HEXB: variants seen among roughly 807,000 people sequenced by gnomAD.
The protein encoded by HEXB is beta-hexosaminidase subunit beta.
Under a neutral mutation model 71.2 loss-of-function variants are expected in HEXB, and 51 were observed. That is an observed-to-expected ratio of 0.72 (90% CI 0.57 to 0.90). The LOEUF (loss-of-function observed/expected upper bound fraction) is 0.90. HEXB is among the 40% of genes least tolerant of loss of function. The pLI, the probability that HEXB is intolerant of heterozygous loss-of-function variation, is 0.00. For synonymous variants in HEXB, 266 were observed against 249.3 expected (o/e 1.07, Z -0.63); for missense variants, 617 against 677.0 (o/e 0.91, Z 0.98).
Position 74,720,454 on chromosome 5 carries a change from A to G in HEXB, c.1444A>G (p.Ile482Val), listed in dbSNP as rs1749801879. The change falls in exon 12 of 14, where the codon ATT becomes GTT. Residue 482 changes from isoleucine (I) to valine (V), a missense_variant. Ile to Val is a conservative substitution (Grantham distance 29, BLOSUM62 3). Coordinates refer to ENST00000261416, the MANE Select transcript of HEXB (RefSeq NM_000521.4). ...TACTCAGAAACAGAAACAACTTTTC[A>G]TTGGTGGAGAAGCTTGTCTATGGGG... ...GGTQKQKQLF[I>V]GGEACLWGEY... The G allele has an allele frequency of 1.9e-6, 3 of 1,613,380 alleles. No homozygotes were observed. The African/African-American group carries it at 4.0e-5, about 21-fold the overall frequency.
At chr5:74,691,286 C>T (rs1184093524) in intron 2 of HEXB, among the ~76,000 whole-genome samples, 2 of 152,166 alleles carry the variant, frequency 1.3e-5, no homozygotes, top group Non-Finnish European at 2.9e-5. Flanking sequence ...TAAAGCACCA[C>T]TATTTATTAA....
chr5:74,695,618 A>G (rs1396381965), intron 3 of HEXB, among the ~76,000 whole-genome samples: 1 of 151,224 alleles, frequency 6.6e-6, no homozygotes, highest in Non-Finnish European at 1.5e-5. Flanking sequence ...AGGTGGGTGG[A>G]TCACTTGAGG....
At chr5:74,687,699 G>A (rs1011645404) in intron 1 of HEXB, among the ~76,000 whole-genome samples, 4 of 151,796 alleles carry the variant, frequency 2.6e-5, no homozygotes, top group Non-Finnish European at 4.4e-5. Context: ...TTTAATTAAG[G>A]AAAAAATACA....
At chr5:74,685,985 G>GT (rs1748862597) in intron 1 of HEXB, among the ~76,000 whole-genome samples, 1 of 152,134 alleles carries the variant, frequency 6.6e-6, no homozygotes, top group Non-Finnish European at 1.5e-5. Flanking sequence ...TTATAGGCCA[G>GT]TTTCGCCCCC....
intron 1 of HEXB, among the ~76,000 whole-genome samples, chr5:74,664,683 A>G (rs988451971): frequency 6.6e-6 from 1 of 152,198 alleles, no homozygotes; most frequent in Non-Finnish European, 1.5e-5. Context: ...AGGGTTACAG[A>G]GAGAAGTTTA....
At chr5:74,705,189 TA>T in intron 5 of HEXB, 29 bp from the exon 6 acceptor site, 1 of 1,254,346 alleles carries the variant, frequency 8.0e-7, no homozygotes. Context: ...ATATCTGCAG[TA>T]AATAATTTTT....
intron 1 of HEXB, among the ~76,000 whole-genome samples, chr5:74,677,490 C>CTTTTTTTTTT (rs566302720): frequency 3.4e-4 from 26 of 77,244 alleles, no homozygotes; most frequent in Non-Finnish European, 5.0e-4. Context: ...TCTTCTTCTT[C>CTTTTTTTTTT]TTTTTTTTTT....
chr5:74,687,657 G>A (rs1250151156), intron 1 of HEXB, among the ~76,000 whole-genome samples: 2 of 152,096 alleles, frequency 1.3e-5, no homozygotes, highest in African/African-American at 4.8e-5. Flanking sequence ...TCTCAAAGCT[G>A]CCAGCAGCTT....
upstream of HEXB, among the ~76,000 whole-genome samples, chr5:74,684,664 T>TTTTTC (rs1316146975): frequency 2.1e-3 from 306 of 148,574 alleles, 3 homozygotes; most frequent in Middle Eastern, 6.9e-3. Flanking sequence ...GGCCGTTTTC[T>TTTTTC]TTTTCTTTTC....
intron 6 of HEXB, among the ~76,000 whole-genome samples, chr5:74,708,114 G>A (rs1749449020): frequency 6.6e-6 from 1 of 152,098 alleles, no homozygotes; most frequent in Non-Finnish European, 1.5e-5. Flanking sequence ...CTACAAGCCA[G>A]AAGACAGTGG....
At chr5:74,692,486 A>G (rs1359451521) in intron 2 of HEXB, among the ~76,000 whole-genome samples, 1 of 152,268 alleles carries the variant, frequency 6.6e-6, no homozygotes, top group Non-Finnish European at 1.5e-5. Flanking sequence ...TGTCTCAACA[A>G]CAACACAAGA....
intron 12 of HEXB, 45 bp from the exon 13 acceptor site, chr5:74,720,598 A>G: frequency 6.2e-7 from 1 of 1,602,504 alleles, no homozygotes; most frequent in Non-Finnish European, 8.6e-7. Context: ...AGTGCTAAAC[A>G]TAAATTTAAA....
intron 1 of HEXB, among the ~76,000 whole-genome samples, chr5:74,671,506 G>A (rs1243406017): frequency 6.6e-6 from 1 of 152,130 alleles, no homozygotes; most frequent in East Asian, 1.9e-4. Context: ...TACTTGTCTG[G>A]ATGGAAGGTA....
Position 74,716,671 on chromosome 5 carries a change from A to G in HEXB, c.1167A>G (p.Gln389=), listed in dbSNP as rs748724753. ...DFKKLESFYI[Q]KVLDIIATIN... ...AGAAACTAGAATCTTTCTACATTCA[A>G]AAGTAAGTTGTTTGAAAGCCTATTT... Residue 389 remains glutamine, a splice_region_variant and synonymous_variant, in exon 9 of 14, where the codon CAA becomes CAG. Transcript: ENST00000261416. 1.9e-6 allele frequency: 3 copies of G among 1,581,784 alleles called. No homozygotes were observed. The highest frequency in any genetic ancestry group is 2.6e-6 in the Non-Finnish European group (3 of 1,153,388).
At chr5:74,699,947 C>CTT (rs5868750) in intron 5 of HEXB, among the ~76,000 whole-genome samples, 49 of 140,588 alleles carry the variant, frequency 3.5e-4, no homozygotes, top group South Asian at 6.6e-4. Context: ...GAATATAAGC[C>CTT]TTTTTTTTAC....
At chr5:74,677,086 C>T (rs954660656) in intron 1 of HEXB, among the ~76,000 whole-genome samples, 3 of 152,024 alleles carry the variant, frequency 2.0e-5, no homozygotes, top group Non-Finnish European at 4.4e-5. Flanking sequence ...GGGGTTTCAA[C>T]ATGTTGGCCA....
chr5:74,697,327 A>C (rs567245998), intron 5 of HEXB, among the ~76,000 whole-genome samples: 18 of 152,346 alleles, frequency 1.2e-4, no homozygotes, highest in African/African-American at 3.8e-4. Context: ...CACGTATAAC[A>C]TGTATTTAGC....
intron 2 of HEXB, 50 bp from the exon 3 acceptor site, chr5:74,693,589 C>T: frequency 8.1e-7 from 1 of 1,242,128 alleles, no homozygotes; most frequent in Non-Finnish European, 1.2e-6. Flanking sequence ...TATTGTGTGT[C>T]ATTGAGGGAT....
At chr5:74,659,463 C>G (rs16872156) in intron 1 of HEXB, among the ~76,000 whole-genome samples, 2,428 of 152,174 alleles carry the variant, frequency 0.016, 74 homozygotes, top group African/African-American at 0.054. Flanking sequence ...AGCGGGGAAG[C>G]CACAGGTGAT....
Sources: allele counts gnomAD v4.1 joint callset (sites outside exome capture counted in the v4.1 genomes callset), GRCh38; gene constraint gnomAD v4.1.1; transcripts MANE v1.5; gene names NCBI Gene and HGNC (gene_info 2026-07-23, HGNC 2026-07-21).